KCNQ3: variants seen among roughly 807,000 people sequenced by gnomAD.
The protein encoded by KCNQ3 is potassium voltage-gated channel subfamily Q member 3, also known as potassium voltage-gated channel subfamily KQT member 3.
A neutral mutation model predicts 92.5 loss-of-function variants in KCNQ3; 30 were observed. The observed-to-expected ratio is 0.32, with a 90% CI of 0.24 to 0.44. The LOEUF (loss-of-function observed/expected upper bound fraction) is 0.44, where lower values mean the gene tolerates loss of function less well. Among genes scored for constraint, KCNQ3 ranks in the 20% least tolerant of loss-of-function variants. KCNQ3 has a pLI of 1.00. For missense variants in KCNQ3, 913 were observed against 1,140.3 expected, an observed-to-expected ratio of 0.80 and a Z score of 2.87; for synonymous variants, 450 against 468.8, an observed-to-expected ratio of 0.96 and a Z score of 0.52.
intron 1 of KCNQ3, among the ~76,000 whole-genome samples, chr8:132,284,502 T>C (rs1414203024): frequency 1.3e-5 from 2 of 151,892 alleles, no homozygotes; most frequent in East Asian, 3.9e-4. Flanking sequence ...TTTTTTTATC[T>C]ACTCTTTGGA....
intron 9 of KCNQ3, among the ~76,000 whole-genome samples, chr8:132,153,904 C>A (rs1825713098): frequency 6.6e-6 from 1 of 152,106 alleles, no homozygotes; most frequent in Non-Finnish European, 1.5e-5. Flanking sequence ...GCCAGGGACA[C>A]CTATTCCCCT....
At chr8:132,452,753 T>A (rs1821851211) in intron 1 of KCNQ3, among the ~76,000 whole-genome samples, 1 of 152,102 alleles carries the variant, frequency 6.6e-6, no homozygotes, top group Non-Finnish European at 1.5e-5. Flanking sequence ...TCAGGTCATT[T>A]TCGGGCCACC....
intron 1 of KCNQ3, among the ~76,000 whole-genome samples, chr8:132,229,287 T>C (rs1035683065): frequency 6.7e-6 from 1 of 150,116 alleles, no homozygotes; most frequent in African/African-American, 2.5e-5. Flanking sequence ...ATTCTGGATA[T>C]GAGGTAAAGA....
At chr8:132,194,720 T>C (rs946386975) in intron 1 of KCNQ3, among the ~76,000 whole-genome samples, 1 of 152,238 alleles carries the variant, frequency 6.6e-6, no homozygotes, top group African/African-American at 2.4e-5. Flanking sequence ...TCTTCCTGAT[T>C]TGACTCATGC....
intron 1 of KCNQ3, among the ~76,000 whole-genome samples, chr8:132,383,784 C>T (rs1179673570): frequency 6.6e-6 from 1 of 152,094 alleles, no homozygotes; most frequent in Non-Finnish European, 1.5e-5. Context: ...GACTTTTTTC[C>T]TGTTTCCAAA....
intron 1 of KCNQ3, among the ~76,000 whole-genome samples, chr8:132,376,332 G>A (rs891367106): frequency 2.0e-5 from 3 of 152,120 alleles, no homozygotes; most frequent in Non-Finnish European, 4.4e-5. Context: ...ACATTATAAC[G>A]AGTATAATTA....
intron 1 of KCNQ3, among the ~76,000 whole-genome samples, chr8:132,311,238 GACA>G (rs1248071414): frequency 2.0e-5 from 3 of 152,118 alleles, no homozygotes; most frequent in African/African-American, 4.8e-5. Context: ...TGTTTATTCT[GACA>G]ACGTTTATTG....
intron 1 of KCNQ3, among the ~76,000 whole-genome samples, chr8:132,365,337 G>A (rs1268354426): frequency 2.6e-5 from 4 of 152,246 alleles, no homozygotes; most frequent in African/African-American, 7.2e-5. Flanking sequence ...CCTTATGTGG[G>A]TGAACTAATT....
intron 1 of KCNQ3, among the ~76,000 whole-genome samples, chr8:132,292,108 C>T (rs569578474): frequency 1.3e-5 from 2 of 152,270 alleles, no homozygotes; most frequent in East Asian, 1.9e-4. Context: ...GCTTCACTGA[C>T]CTATTACTAC....
intron 1 of KCNQ3, among the ~76,000 whole-genome samples, chr8:132,265,431 C>A (rs1214281971): frequency 6.6e-6 from 1 of 152,222 alleles, no homozygotes; most frequent in Non-Finnish European, 1.5e-5. Context: ...GCACACTAAA[C>A]CGCAAGGGAA....
At chr8:132,261,215 G>T (rs191590372) in intron 1 of KCNQ3, among the ~76,000 whole-genome samples, 1 of 152,312 alleles carries the variant, frequency 6.6e-6, no homozygotes, top group East Asian at 1.9e-4. Context: ...CTGAAACCAG[G>T]ATCTGTTTGG....
At chr8:132,360,695 C>T (rs1819140996) in intron 1 of KCNQ3, among the ~76,000 whole-genome samples, 1 of 152,240 alleles carries the variant, frequency 6.6e-6, no homozygotes, top group African/African-American at 2.4e-5. Context: ...TCCAGTCTCC[C>T]TTGGACATCA....
intron 1 of KCNQ3, among the ~76,000 whole-genome samples, chr8:132,257,176 T>A (rs1300110618): frequency 6.6e-6 from 1 of 152,130 alleles, no homozygotes; most frequent in Non-Finnish European, 1.5e-5. Context: ...TTGATATTAA[T>A]CTGAACTAGA....
intron 9 of KCNQ3, among the ~76,000 whole-genome samples, chr8:132,158,707 T>C (rs1167001465): frequency 6.6e-6 from 1 of 152,218 alleles, no homozygotes; most frequent in Non-Finnish European, 1.5e-5. Flanking sequence ...GTTTCTCATC[T>C]ATAAAATGGG....
At chr8:132,172,030 G>C (rs951279127) in intron 7 of KCNQ3, among the ~76,000 whole-genome samples, 3 of 151,958 alleles carry the variant, frequency 2.0e-5, no homozygotes, top group African/African-American at 7.3e-5. Context: ...AGGTCTAGTG[G>C]TGTACATGGT....
At chr8:132,170,525 C>T in intron 7 of KCNQ3, 97 bp from the exon 8 acceptor site, 2 of 802,322 alleles carry the variant, frequency 2.5e-6, no homozygotes, top group Non-Finnish European at 2.2e-6. Context: ...GCCCTGGACT[C>T]CTAAGAATTT....
intron 1 of KCNQ3, among the ~76,000 whole-genome samples, chr8:132,281,598 C>T (rs533090727): frequency 6.6e-6 from 1 of 151,932 alleles, no homozygotes; most frequent in East Asian, 1.9e-4. Context: ...ATTCCATCTC[C>T]ACCTCCATCT....
intron 1 of KCNQ3, among the ~76,000 whole-genome samples, chr8:132,196,334 G>T (rs1586820880): frequency 6.6e-6 from 1 of 152,256 alleles, no homozygotes; most frequent in South Asian, 2.1e-4. Context: ...ATCCTCTCTT[G>T]TTCACCAGTC....
At chr8:132,440,166 T>C (rs556042844) in intron 1 of KCNQ3, among the ~76,000 whole-genome samples, 6 of 152,234 alleles carry the variant, frequency 3.9e-5, no homozygotes, top group Non-Finnish European at 8.8e-5. Flanking sequence ...TTTTTATTTT[T>C]CTGAATGTTT....
Sources: allele counts gnomAD v4.1 joint callset (sites outside exome capture counted in the v4.1 genomes callset), GRCh38; gene constraint gnomAD v4.1.1; transcripts MANE v1.5; gene names NCBI Gene and HGNC (gene_info 2026-07-23, HGNC 2026-07-21).